Variants in STAU2 observed in about 807,000 individuals in gnomAD.
STAU2 encodes double-stranded RNA-binding protein Staufen homolog 2.
A neutral mutation model predicts 65.9 loss-of-function variants in STAU2; 20 were observed. That is an observed-to-expected ratio of 0.30 (90% confidence interval 0.21 to 0.44). The LOEUF (loss-of-function observed/expected upper bound fraction) is 0.44, where lower values mean the gene tolerates loss of function less well. STAU2 is among the 20% of genes least tolerant of loss of function. The pLI, the probability that STAU2 is intolerant of heterozygous loss-of-function variation, is 1.00. For synonymous variants in STAU2, 232 were observed against 233.9 expected (o/e 0.99, Z 0.07); for missense variants, 558 against 683.9 (o/e 0.82, Z 2.05).
chr8:73,684,448 T>G (rs912790261), intron 5 of STAU2, among the ~76,000 whole-genome samples: 7 of 152,110 alleles, frequency 4.6e-5, no homozygotes, highest in African/African-American at 1.7e-4. Flanking sequence ...TCACTTGATA[T>G]AAAAATTAAC....
At chr8:73,479,845 G>A (rs2383913) in intron 13 of STAU2, among the ~76,000 whole-genome samples, 114,444 of 151,404 alleles carry the variant, frequency 0.76, 43,615 homozygotes, top group East Asian at 0.95. Context: ...CTTCAGGAAC[G>A]TAGACATATT....
chr8:73,747,220 C>T, upstream of STAU2: 1 of 759,786 alleles, frequency 1.3e-6, no homozygotes, highest in Admixed American at 3.4e-5. Context: ...GGAGCGCGCC[C>T]GGTCCGCAGT....
At chr8:73,644,106 G>C (rs1815185239) in intron 6 of STAU2, among the ~76,000 whole-genome samples, 1 of 152,054 alleles carries the variant, frequency 6.6e-6, no homozygotes, top group African/African-American at 2.4e-5. Flanking sequence ...TGACCACAAT[G>C]GAATCAGACT....
At chr8:73,662,522 T>C (rs1037610851) in intron 6 of STAU2, among the ~76,000 whole-genome samples, 6 of 152,246 alleles carry the variant, frequency 3.9e-5, no homozygotes, top group Non-Finnish European at 8.8e-5. Flanking sequence ...GAAATTTTAC[T>C]TTAACTTTTA....
chr8:73,426,906 G>A (rs1189972251), intron 13 of STAU2, among the ~76,000 whole-genome samples: 1 of 150,682 alleles, frequency 6.6e-6, no homozygotes, highest in East Asian at 2.0e-4. Context: ...CTGAGCCAAA[G>A]ATGATGTCCA....
At chr8:73,715,976 G>A (rs558168537) in intron 3 of STAU2, among the ~76,000 whole-genome samples, 1 of 152,136 alleles carries the variant, frequency 6.6e-6, no homozygotes, top group Non-Finnish European at 1.5e-5. Context: ...GTGCAGTGGC[G>A]CAATCTCGGC....
chr8:73,643,928 C>T (rs1419736227), intron 6 of STAU2, among the ~76,000 whole-genome samples: 1 of 152,220 alleles, frequency 6.6e-6, no homozygotes, highest in African/African-American at 2.4e-5. Context: ...TAAAATGCTA[C>T]AGCTGCACCT....
intron 13 of STAU2, among the ~76,000 whole-genome samples, chr8:73,503,101 C>T (rs1821854065): frequency 2.6e-5 from 4 of 152,042 alleles, no homozygotes; most frequent in Admixed American, 2.6e-4. Context: ...TAAAATGAGA[C>T]AGCAGAAGCC....
chr8:73,691,365 A>G (rs1819311929), intron 4 of STAU2, among the ~76,000 whole-genome samples: 3 of 152,112 alleles, frequency 2.0e-5, no homozygotes, highest in African/African-American at 4.8e-5. Flanking sequence ...GTTGTAATTT[A>G]TATTGTCACC....
chr8:73,502,080 G>C (rs964682454), intron 13 of STAU2, among the ~76,000 whole-genome samples: 25 of 151,962 alleles, frequency 1.6e-4, no homozygotes, highest in African/African-American at 5.3e-4. Context: ...CTTAAAATTG[G>C]ATTTTTTTTA....
intron 9 of STAU2, among the ~76,000 whole-genome samples, chr8:73,608,414 C>T (rs868811908): frequency 6.6e-6 from 1 of 151,838 alleles, no homozygotes; most frequent in African/African-American, 2.4e-5. Context: ...CGAGACCAGC[C>T]TGACCAACAT....
chr8:73,483,571 T>C (rs1820753420), intron 13 of STAU2, among the ~76,000 whole-genome samples: 1 of 152,138 alleles, frequency 6.6e-6, no homozygotes, highest in African/African-American at 2.4e-5. Flanking sequence ...CTTCTGATGA[T>C]TAAATTTCAG....
chr8:73,527,108 T>C (rs919423486), intron 13 of STAU2, among the ~76,000 whole-genome samples: 7 of 152,244 alleles, frequency 4.6e-5, no homozygotes, highest in African/African-American at 1.4e-4. Flanking sequence ...CAATTGCCTA[T>C]GGTATTCAGC....
chr8:73,554,028 T>C (rs1807538544), intron 12 of STAU2, among the ~76,000 whole-genome samples: 2 of 152,190 alleles, frequency 1.3e-5, no homozygotes, highest in Non-Finnish European at 2.9e-5. Context: ...GGCCTCATAC[T>C]GGAGAAGATC....
At chr8:73,616,189 G>T (rs1320886252) in intron 7 of STAU2, among the ~76,000 whole-genome samples, 5 of 152,018 alleles carry the variant, frequency 3.3e-5, no homozygotes, top group Admixed American at 3.3e-4. Context: ...TGCAAACCAG[G>T]AGCATCCTAA....
At chr8:73,570,480 TACCTGAAAGTG>T (rs1487064102) in intron 12 of STAU2, among the ~76,000 whole-genome samples, 13 of 152,312 alleles carry the variant, frequency 8.5e-5, no homozygotes, top group Non-Finnish European at 1.6e-4. Context: ...CTGACTGGTG[TACCTGAAAGTG>T]ACGGGAAGAA....
intron 3 of STAU2, among the ~76,000 whole-genome samples, chr8:73,721,231 A>C (rs1821649519): frequency 7.1e-6 from 1 of 141,198 alleles, no homozygotes. Context: ...TCAAGGCTGC[A>C]GTCAGCCATG....
intron 12 of STAU2, among the ~76,000 whole-genome samples, chr8:73,554,719 T>C (rs995113680): frequency 1.3e-5 from 2 of 152,230 alleles, no homozygotes; most frequent in African/African-American, 2.4e-5. Context: ...CTTCCTATTC[T>C]ACCATCTTGC....
chr8:73,556,552 T>A (rs1807784936), intron 12 of STAU2, among the ~76,000 whole-genome samples: 3 of 152,248 alleles, frequency 2.0e-5, no homozygotes, highest in Middle Eastern at 6.8e-3. Context: ...GGTCAGGAGT[T>A]CGAGACCAGC....
Sources: gnomAD v4.1 joint callset for allele counts (sites outside exome capture counted in the v4.1 genomes callset) on GRCh38, gnomAD v4.1.1 for gene constraint, MANE v1.5 for transcripts, NCBI Gene and HGNC (gene_info 2026-07-23, HGNC 2026-07-21) for gene names.